The following RUFY4 variants were observed in gnomAD, a reference collection of about 807,000 sequenced individuals.
RUFY4 encodes RUN and FYVE domain containing 4, also known as RUN and FYVE domain-containing protein 4.
RUFY4 carries 73 observed loss-of-function variants against 69.0 expected under a neutral mutation model. That is an observed-to-expected ratio of 1.06 (90% CI 0.88 to 1.29). RUFY4 has a LOEUF of 1.29. RUFY4 is among the 50% of genes most tolerant of loss of function. The pLI, the probability that RUFY4 is intolerant of heterozygous loss-of-function variation, is 0.00. For missense variants in RUFY4, 770 were observed against 705.6 expected, an observed-to-expected ratio of 1.09 and a Z score of -1.03; for synonymous variants, 287 against 271.8, an observed-to-expected ratio of 1.06 and a Z score of -0.55.
intron 9 of RUFY4, among the ~76,000 whole-genome samples, chr2:218,087,868 A>T (rs1453808808): frequency 6.6e-6 from 1 of 152,088 alleles, no homozygotes; most frequent in African/African-American, 2.4e-5. Context: ...CAATAGAGGA[A>T]CCAAAAATAG....
intron 2 of RUFY4, among the ~76,000 whole-genome samples, chr2:218,056,363 A>G (rs991862653): frequency 6.6e-6 from 1 of 152,068 alleles, no homozygotes; most frequent in African/African-American, 2.4e-5. Flanking sequence ...TGCCAGAATA[A>G]TCAGATAGAA....
chr2:218,036,593 A>G (rs935453981), intron 2 of RUFY4, among the ~76,000 whole-genome samples: 1 of 152,230 alleles, frequency 6.6e-6, no homozygotes, highest in African/African-American at 2.4e-5. Context: ...TTTGGGTTTG[A>G]TGTGACAGAA....
intron 2 of RUFY4, among the ~76,000 whole-genome samples, chr2:218,055,979 G>A (rs1689052816): frequency 6.6e-6 from 1 of 152,196 alleles, no homozygotes; most frequent in Admixed American, 6.5e-5. Flanking sequence ...TAACTTGACA[G>A]AATCTGACCT....
At chr2:218,053,831 G>T (rs374871926) in intron 2 of RUFY4, among the ~76,000 whole-genome samples, 1 of 152,168 alleles carries the variant, frequency 6.6e-6, no homozygotes, top group Admixed American at 6.5e-5. Flanking sequence ...TTTTTGTGCA[G>T]ACTGGGTTTT....
intron 9 of RUFY4, among the ~76,000 whole-genome samples, chr2:218,085,240 A>T (rs1418266970): frequency 6.6e-6 from 1 of 152,180 alleles, no homozygotes; most frequent in African/African-American, 2.4e-5. Flanking sequence ...GTTCATCAGC[A>T]CTAGTTTCCC....
intron 2 of RUFY4, among the ~76,000 whole-genome samples, chr2:218,039,510 C>T (rs1959029796): frequency 1.3e-5 from 2 of 152,204 alleles, no homozygotes; most frequent in Admixed American, 1.3e-4. Flanking sequence ...TTCTTGCTCA[C>T]AGGCTGGGGG....
chr2:218,086,828 G>A (rs1285582773), intron 9 of RUFY4, among the ~76,000 whole-genome samples: 36 of 152,160 alleles, frequency 2.4e-4, no homozygotes, highest in Non-Finnish European at 5.9e-5. Context: ...CTAGACTGTA[G>A]CAGAAGGACC....
intron 3 of RUFY4, chr2:218,060,489 G>A: frequency 7.6e-7 from 1 of 1,320,996 alleles, no homozygotes; most frequent in Admixed American, 1.7e-5. Context: ...CGTAGATGAG[G>A]GGATTGAGGT....
chr2:218,088,339 T>A (rs1490945526), intron 9 of RUFY4, among the ~76,000 whole-genome samples: 3 of 151,034 alleles, frequency 2.0e-5, no homozygotes, highest in African/African-American at 7.3e-5. Context: ...GTGCCTATAG[T>A]CCCAGCTACT....
chr2:218,047,972 TTC>T (rs1480019846), intron 2 of RUFY4, among the ~76,000 whole-genome samples: 4 of 152,198 alleles, frequency 2.6e-5, no homozygotes, highest in Non-Finnish European at 2.9e-5. Flanking sequence ...AACTTATAAG[TTC>T]TGTTTTTCTA....
rs544974181 is a variant in RUFY4, at chr2:218,038,758, A to G, written c.-1158+3364A>G. On this transcript the variant is annotated intron_variant and NMD_transcript_variant, in intron 2 of 13. Coordinates refer to the RUFY4 transcript ENST00000457754. ...GGCTCAGTAACTTCCAAGGCTGACT[A>G]CCCTCTTTCCGATTCATTTGCCCTT... Among the ~76,000 whole-genome samples the G allele has an allele frequency of 3.3e-5, 5 of 152,156 alleles. No homozygotes were observed. In the East Asian group the frequency reaches 9.7e-4, roughly 29 times the overall value.
chr2:218,074,750 A>G (rs775425253), intron 6 of RUFY4, among the ~76,000 whole-genome samples: 8 of 152,250 alleles, frequency 5.3e-5, no homozygotes, highest in South Asian at 4.1e-4. Flanking sequence ...CTGAAACATG[A>G]CATGTAGTTC....
At chr2:218,083,846 C>T (rs1265798428) in intron 9 of RUFY4, among the ~76,000 whole-genome samples, 1 of 150,898 alleles carries the variant, frequency 6.6e-6, no homozygotes, top group East Asian at 2.0e-4. Context: ...CCCACCCCCA[C>T]ATACACACAC....
At chr2:218,043,889 G>A (rs866383149) in intron 2 of RUFY4, among the ~76,000 whole-genome samples, 5 of 152,182 alleles carry the variant, frequency 3.3e-5, no homozygotes, top group Non-Finnish European at 5.9e-5. Context: ...GCCCCATCTC[G>A]GCTTCCCTCC....
upstream of RUFY4, among the ~76,000 whole-genome samples, chr2:218,065,338 C>T (rs1689298093): frequency 1.3e-5 from 2 of 152,200 alleles, no homozygotes. Context: ...GCCATTTCTG[C>T]CCAGAGGGGC....
intron 8 of RUFY4, among the ~76,000 whole-genome samples, chr2:218,081,838 T>C (rs1447208946): frequency 6.6e-6 from 1 of 152,242 alleles, no homozygotes; most frequent in Admixed American, 6.5e-5. Flanking sequence ...GACAGTTTGA[T>C]GTCATGGCCC....
intron 8 of RUFY4, among the ~76,000 whole-genome samples, chr2:218,077,618 T>C (rs1689665901): frequency 6.6e-6 from 1 of 152,194 alleles, no homozygotes; most frequent in African/African-American, 2.4e-5. Flanking sequence ...CACCTGCCCC[T>C]GTCTCTCTCT....
rs1483028152 is a variant in RUFY4 at position 218,090,114 on chromosome 2, A to G, written c.*60A>G. 1.2e-5 allele frequency: 13 copies of G among 1,043,182 alleles called. No homozygotes were observed. The East Asian group carries it at 4.4e-4, about 35-fold the overall frequency. The allele number at this position is 1,043,182 out of a possible 1,614,324, so 64.6% of individuals were successfully genotyped here. ...CCTGCCTGCCCATCCCACTCAATCC[A>G]CTCCCTGCCCGTAGCTCTTCCCAGC... On this transcript the variant is annotated 3_prime_UTR_variant, in exon 11 of 11. Coordinates refer to ENST00000344321, the Ensembl canonical transcript of RUFY4.
At chr2:218,071,839 C>A (rs915800562) in intron 2 of RUFY4, among the ~76,000 whole-genome samples, 1 of 152,168 alleles carries the variant, frequency 6.6e-6, no homozygotes, top group Non-Finnish European at 1.5e-5. Context: ...GGCAGTATTA[C>A]AACCAGGCAC....
Sources: gnomAD v4.1 joint callset for allele counts (sites outside exome capture counted in the v4.1 genomes callset) on GRCh38, gnomAD v4.1.1 for gene constraint, MANE v1.5 for transcripts, NCBI Gene and HGNC (gene_info 2026-07-23, HGNC 2026-07-21) for gene names.